The following PUS7 variants were observed in gnomAD, a reference collection of about 807,000 sequenced individuals.
PUS7 encodes pseudouridylate synthase 7 homolog.
Under a neutral mutation model 79.8 loss-of-function variants are expected in PUS7, and 48 were observed. That is an observed-to-expected ratio of 0.60 (90% CI 0.48 to 0.76). The LOEUF (loss-of-function observed/expected upper bound fraction) is 0.76. Among genes scored for constraint, PUS7 ranks in the 30% least tolerant of loss-of-function variants. PUS7 has a pLI of 0.00. For synonymous variants in PUS7, 286 were observed against 272.2 expected (o/e 1.05, Z -0.50); for missense variants, 729 against 797.6 (o/e 0.91, Z 1.04).
At chr7:105,510,775 A>G (rs1220665194) in intron 1 of PUS7, among the ~76,000 whole-genome samples, 2 of 152,112 alleles carry the variant, frequency 1.3e-5, no homozygotes, top group Non-Finnish European at 2.9e-5. Context: ...CTGGGCTCCC[A>G]AAGTGCTGGG....
intron 6 of PUS7, among the ~76,000 whole-genome samples, chr7:105,494,514 A>G (rs2133189159): frequency 6.6e-6 from 1 of 150,998 alleles, no homozygotes; most frequent in East Asian, 2.0e-4. Flanking sequence ...GGTTCAAGCA[A>G]TTCTCCTGCC....
Position 105,520,444 on chromosome 7 carries a change from G to C in PUS7, c.-33+1608C>G, listed in dbSNP as rs113224827. On this transcript the variant is annotated intron_variant, in intron 1 of 15. Transcript: ENST00000469408. ...ACTGCAATACATCTCCAGCCCTCAAGCTGGGTGAATGCTTAACGAGTGGAT... is the reference window on the plus strand; with the variant it reads ...ACTGCAATACATCTCCAGCCCTCAACCTGGGTGAATGCTTAACGAGTGGAT... 2.9e-3 allele frequency among the ~76,000 whole-genome samples: 342 copies of C among 118,654 alleles called. 1 individual carries two copies. The highest frequency in any genetic ancestry group is 8.6e-3 in the African/African-American group (331 of 38,648). 77.8% of individuals were successfully genotyped at this position (118,654 alleles called of 152,430 possible). A position where few individuals can be genotyped will look rare whatever the true frequency, so the allele number is the denominator to read the frequency against.
At chr7:105,521,055 A>T (rs992520987) in intron 1 of PUS7, among the ~76,000 whole-genome samples, 1 of 152,132 alleles carries the variant, frequency 6.6e-6, no homozygotes, top group Non-Finnish European at 1.5e-5. Context: ...ACATGTTCAC[A>T]AGGAGTTGTT....
chr7:105,496,245 A>AGG (rs1174030523), intron 5 of PUS7, among the ~76,000 whole-genome samples: 3 of 37,826 alleles, frequency 7.9e-5, no homozygotes, highest in Non-Finnish European at 1.4e-4. Context: ...AGAGAGAGAG[A>AGG]GAGAGAGAGG....
chr7:105,516,580 A>G (rs1300247102), intron 1 of PUS7, among the ~76,000 whole-genome samples: 4 of 151,844 alleles, frequency 2.6e-5, no homozygotes, highest in African/African-American at 4.8e-5. Context: ...CAGCTTCCTG[A>G]GTAGCTGGAA....
intron 1 of PUS7, among the ~76,000 whole-genome samples, chr7:105,508,812 C>T (rs2133258500): frequency 7.6e-6 from 1 of 131,400 alleles, no homozygotes; most frequent in Middle Eastern, 5.2e-3. Flanking sequence ...GCAGAGGTTG[C>T]AGTGAGTTAA....
At chr7:105,461,080 A>C (rs1823408063) in intron 14 of PUS7, among the ~76,000 whole-genome samples, 1 of 152,092 alleles carries the variant, frequency 6.6e-6, no homozygotes. Flanking sequence ...TTGCGGAGGC[A>C]GGTCTCAAGC....
intron 5 of PUS7, among the ~76,000 whole-genome samples, chr7:105,501,503 G>A (rs1439430865): frequency 6.6e-6 from 1 of 152,126 alleles, no homozygotes; most frequent in Non-Finnish European, 1.5e-5. Context: ...CTGGGACTAT[G>A]CCCATTTCAA....
At chr7:105,496,216 TATATATATATAGAGAGAGAGAGAGAG>T (rs1825018159) in intron 5 of PUS7, among the ~76,000 whole-genome samples, 8 of 76,730 alleles carry the variant, frequency 1.0e-4, no homozygotes, top group African/African-American at 4.5e-4. Context: ...TATATATATA[TATATATATATAGAGAGAGAGAGAGAG>T]AGAGAGAGAG....
Position 105,462,727 on chromosome 7 carries a change from G to T in PUS7, c.1651C>A (p.Leu551Ile), listed in dbSNP as rs201845547. ...HKIQEAYREM[L>I]TADNLDIDNM... ...TCAATATCAAGATTGTCAGCTGTGA[G>T]CATTTCCCTGTAGGCTTCTTGAACT... The change falls in exon 14 of 16, where the codon CTC becomes ATC. Residue 551 changes from leucine (L) to isoleucine (I), a missense_variant. Physicochemically the swap from Leu to Ile is conservative, Grantham distance 5. Coordinates refer to ENST00000469408, the MANE Select transcript of PUS7 (RefSeq NM_019042.5). 5.6e-6 allele frequency: 9 copies of T among 1,613,240 alleles called. No individual in the cohort carries two copies. The East Asian group carries it at 8.9e-5, about 16-fold the overall frequency.
chr7:105,497,077 C>G, intron 5 of PUS7: 1 of 820,826 alleles, frequency 1.2e-6, no homozygotes, highest in Non-Finnish European at 1.6e-6. Context: ...TAAGTTTACA[C>G]TGAGGACTTC....
intron 11 of PUS7, among the ~76,000 whole-genome samples, chr7:105,469,739 C>T (rs974104304): frequency 1.8e-4 from 27 of 152,172 alleles, no homozygotes; most frequent in African/African-American, 5.3e-4. Context: ...GAATTACAGG[C>T]GTGAGCCACT....
chr7:105,467,894 A>T (rs986701296), intron 12 of PUS7, among the ~76,000 whole-genome samples: 3 of 151,948 alleles, frequency 2.0e-5, no homozygotes, highest in Non-Finnish European at 2.9e-5. Context: ...AAACTAGCCA[A>T]TGTAAGTTTG....
At chr7:105,462,518 T>C in intron 14 of PUS7, 103 bp downstream of exon 14, 1 of 1,224,580 alleles carries the variant, frequency 8.2e-7, no homozygotes, top group Non-Finnish European at 1.2e-6. Context: ...AATCTGTCAC[T>C]GACTGAAAAT....
Position 105,457,648 on chromosome 7 carries a change from G to T in PUS7, c.*142C>A. 2.6e-6 allele frequency: 2 copies of T among 768,286 alleles called. No homozygotes were observed. Among genetic ancestry groups the T allele is most frequent in the Non-Finnish European group, 3.9e-6 (2 of 518,236 alleles). The allele number at this position is 768,286 out of a possible 1,614,324, so 47.6% of individuals were successfully genotyped here. The stretch of plus-strand genomic sequence containing the variant: ...CAAATATTGCAAATTATTTCTTTAA[G>T]CTAATAAAAACTTAAAAATACAAAT... On this transcript the variant is annotated 3_prime_UTR_variant, in exon 16 of 16. Coordinates refer to ENST00000469408, the MANE Select transcript of PUS7 (RefSeq NM_019042.5).
intron 5 of PUS7, among the ~76,000 whole-genome samples, chr7:105,498,683 C>T (rs1054802074): frequency 6.6e-6 from 1 of 152,230 alleles, no homozygotes; most frequent in African/African-American, 2.4e-5. Flanking sequence ...CCCTGCACAC[C>T]AACCTTCAGC....
chr7:105,467,417 G>A (rs780734676), intron 12 of PUS7, among the ~76,000 whole-genome samples: 2 of 151,548 alleles, frequency 1.3e-5, no homozygotes, highest in Non-Finnish European at 2.9e-5. Flanking sequence ...AGCTTCCTGA[G>A]TAGCTGGGAC....
chr7:105,520,554 ATAAATAAAAAT>A (rs1826069154), intron 1 of PUS7, among the ~76,000 whole-genome samples: 1 of 148,474 alleles, frequency 6.7e-6, no homozygotes, highest in Admixed American at 6.8e-5. Context: ...AAATAAATAA[ATAAATAAAAAT>A]ACAAAAATTA....
At chr7:105,458,736 G>C (rs1823294076) in intron 15 of PUS7, among the ~76,000 whole-genome samples, 1 of 151,584 alleles carries the variant, frequency 6.6e-6, no homozygotes, top group Non-Finnish European at 1.5e-5. Flanking sequence ...ACCACACCCG[G>C]CTAATTTTTT....
Sources: gnomAD v4.1 joint callset for allele counts (sites outside exome capture counted in the v4.1 genomes callset) on GRCh38, gnomAD v4.1.1 for gene constraint, MANE v1.5 for transcripts, NCBI Gene and HGNC (gene_info 2026-07-23, HGNC 2026-07-21) for gene names.